Variants in AIDA observed in about 807,000 individuals in gnomAD.
AIDA encodes the protein axin interactor, dorsalization-associated protein.
AIDA carries 18 observed loss-of-function variants against 42.7 expected under a neutral mutation model. The ratio of observed to expected loss-of-function variants is 0.42; its 90% confidence interval spans 0.29 to 0.63. The LOEUF is 0.63. AIDA is among the 20% of genes least tolerant of loss of function. The pLI is 0.19. For synonymous variants in AIDA, 104 were observed against 122.9 expected, an observed-to-expected ratio of 0.85 and a Z score of 1.02; for missense variants, 250 against 354.1, an observed-to-expected ratio of 0.71 and a Z score of 2.36.
rs916352690 is a variant in AIDA at position 222,678,695 on chromosome 1, A to G, written c.461-2477T>C. 3.9e-5 allele frequency among the ~76,000 whole-genome samples: 6 copies of G among 152,224 alleles called. 1 individual carries two copies. The highest frequency in any genetic ancestry group is 1.5e-5 in the Non-Finnish European group (1 of 68,028). Reference sequence around the variant, plus strand: ...CATTTCATCTCCACCATGAAGGTTCAGTAGTTTTATCTTTACTAAGGAACA... The same window carrying G: ...CATTTCATCTCCACCATGAAGGTTCGGTAGTTTTATCTTTACTAAGGAACA... On this transcript the variant is annotated intron_variant, in intron 6 of 9. Transcript: ENST00000340020.
chr1:222,672,364 C>A (rs777946694), intron 8 of AIDA, among the ~76,000 whole-genome samples: 1 of 152,188 alleles, frequency 6.6e-6, no homozygotes, highest in African/African-American at 2.4e-5. Context: ...AGAAGACATA[C>A]TTTGTAACTG....
chr1:222,688,217 T>C (rs1655250080), intron 4 of AIDA, among the ~76,000 whole-genome samples: 1 of 152,138 alleles, frequency 6.6e-6, no homozygotes, highest in African/African-American at 2.4e-5. Flanking sequence ...AAAAGTTGTA[T>C]AAAAGATGCC....
At chr1:222,687,401 A>T (rs1161540171) in intron 5 of AIDA, among the ~76,000 whole-genome samples, 194 bp downstream of exon 5, 1 of 152,162 alleles carries the variant, frequency 6.6e-6, no homozygotes, top group Non-Finnish European at 1.5e-5. Context: ...ACTGCATGCC[A>T]GCCTGGGTGA....
intron 1 of AIDA, among the ~76,000 whole-genome samples, 185 bp from the exon 2 acceptor site, chr1:222,703,402 A>G (rs1655762548): frequency 2.0e-5 from 3 of 152,232 alleles, no homozygotes; most frequent in African/African-American, 7.2e-5. Flanking sequence ...TGATGAAAAT[A>G]AGATACAATA....
At chr1:222,687,165 C>T in intron 5 of AIDA, 129 bp from the exon 6 acceptor site, 6 of 1,441,146 alleles carry the variant, frequency 4.2e-6, no homozygotes, top group Non-Finnish European at 5.6e-6. Flanking sequence ...TGTGGTGGCT[C>T]ATGCTTGTAA....
chr1:222,698,037 CAA>C (rs1655570751), intron 2 of AIDA, among the ~76,000 whole-genome samples: 1 of 152,144 alleles, frequency 6.6e-6, no homozygotes, highest in Middle Eastern at 3.2e-3. Flanking sequence ...TCTACTACAC[CAA>C]AGTCAGGAAT....
At chr1:222,699,962 G>A (rs1272187942) in intron 2 of AIDA, among the ~76,000 whole-genome samples, 1 of 152,066 alleles carries the variant, frequency 6.6e-6, no homozygotes, top group Non-Finnish European at 1.5e-5. Context: ...AGTAGAGACG[G>A]GGTTTCACCG....
intron 8 of AIDA, 38 bp downstream of exon 8, chr1:222,673,275 T>C: frequency 3.2e-6 from 5 of 1,553,540 alleles, no homozygotes; most frequent in Non-Finnish European, 4.4e-6. Context: ...ATGAGAATTC[T>C]GTCCATAAGA....
chr1:222,703,083 T>C, intron 2 of AIDA, 65 bp downstream of exon 2: 1 of 1,332,138 alleles, frequency 7.5e-7, no homozygotes, highest in Non-Finnish European at 1.0e-6. Flanking sequence ...TTTTGCTTAA[T>C]GAACTCAAAA....
chr1:222,695,211 G>A (rs571943863), intron 2 of AIDA, among the ~76,000 whole-genome samples: 1 of 152,318 alleles, frequency 6.6e-6, no homozygotes, highest in South Asian at 2.1e-4. Context: ...GACCATTGTG[G>A]CCGGGCGTGG....
chr1:222,676,075 A>G (rs2124949534), intron 7 of AIDA, 21 bp downstream of exon 7: 1 of 1,531,416 alleles, frequency 6.5e-7, no homozygotes, highest in Non-Finnish European at 8.7e-7. Context: ...TGAGAAAAAA[A>G]AAGTAAACAG....
At chr1:222,700,294 G>A (rs887714287) in intron 2 of AIDA, among the ~76,000 whole-genome samples, 12 of 152,284 alleles carry the variant, frequency 7.9e-5, no homozygotes, top group African/African-American at 2.6e-4. Context: ...GAGGACATGA[G>A]AAGATTCAGG....
intron 9 of AIDA, 36 bp downstream of exon 9, chr1:222,670,097 T>C (rs1664418530): frequency 6.2e-7 from 1 of 1,608,966 alleles, no homozygotes; most frequent in Non-Finnish European, 8.5e-7. Flanking sequence ...CTAGTCACCA[T>C]CAAATTAGTA....
At chr1:222,706,025 G>C (rs73124880) in intron 1 of AIDA, among the ~76,000 whole-genome samples, 5,667 of 152,072 alleles carry the variant, frequency 0.037, 143 homozygotes, top group East Asian at 0.13. Flanking sequence ...TAAAAGATTT[G>C]AAAAGATAGT....
chr1:222,689,673 C>A (rs552909453), intron 4 of AIDA, among the ~76,000 whole-genome samples: 1 of 148,834 alleles, frequency 6.7e-6, no homozygotes, highest in Non-Finnish European at 1.5e-5. Context: ...AATGATATTA[C>A]AAAAGAGTCA....
chr1:222,692,947 C>G (rs1655408217), intron 4 of AIDA, among the ~76,000 whole-genome samples: 2 of 152,126 alleles, frequency 1.3e-5, no homozygotes, highest in South Asian at 4.1e-4. Flanking sequence ...AGCAAAACAA[C>G]CAACCTAGTC....
At chr1:222,692,372 G>A (rs1655396213) in intron 4 of AIDA, among the ~76,000 whole-genome samples, 2 of 152,164 alleles carry the variant, frequency 1.3e-5, no homozygotes, top group South Asian at 4.1e-4. Context: ...CTCTCACGGA[G>A]CACAGACCTG....
chr1:222,700,574 G>A (rs1330397037), intron 2 of AIDA, among the ~76,000 whole-genome samples: 3 of 151,810 alleles, frequency 2.0e-5, no homozygotes, highest in Admixed American at 2.0e-4. Flanking sequence ...TGGCTAACAC[G>A]TGAAACCCTG....
chr1:222,708,163 T>A (rs1273928919), intron 1 of AIDA, among the ~76,000 whole-genome samples: 1 of 151,500 alleles, frequency 6.6e-6, no homozygotes, highest in Non-Finnish European at 1.5e-5. Context: ...AAAAAAAAAT[T>A]AGCCAGGTGT....
Sources: allele counts gnomAD v4.1 joint callset (sites outside exome capture counted in the v4.1 genomes callset), GRCh38; gene constraint gnomAD v4.1.1; transcripts MANE v1.5; gene names NCBI Gene and HGNC (gene_info 2026-07-23, HGNC 2026-07-21).